DYM: variants seen among roughly 807,000 people sequenced by gnomAD.
DYM encodes the protein dymeclin, also known as dyggve-Melchior-Clausen syndrome protein.
In DYM, 78 loss-of-function variants were observed where a neutral mutation model predicts 93.1. The ratio of observed to expected loss-of-function variants is 0.84; its 90% CI spans 0.70 to 1.01. The LOEUF is 1.01. DYM is among the 50% of genes least tolerant of loss of function. The pLI is 0.00. For synonymous variants in DYM, 321 were observed against 319.7 expected, an observed-to-expected ratio of 1.00 and a Z score of -0.04; for missense variants, 789 against 845.0, an observed-to-expected ratio of 0.93 and a Z score of 0.82.
chr18:49,435,662 G>A (rs755271598), intron 1 of DYM, among the ~76,000 whole-genome samples: 39 of 151,974 alleles, frequency 2.6e-4, no homozygotes, highest in East Asian at 5.8e-4. Flanking sequence ...AGTGTCAGGC[G>A]TCTGTAATCC....
chr18:49,122,327 C>T (rs527295830), intron 15 of DYM, among the ~76,000 whole-genome samples: 1 of 152,310 alleles, frequency 6.6e-6, no homozygotes, highest in South Asian at 2.1e-4. Flanking sequence ...CATTTTCTCA[C>T]CAACAGCAGG....
chr18:49,221,341 G>A lies in DYM; in HGVS notation c.1461-11626C>T, dbSNP rs987765572. 5.2e-4 allele frequency among the ~76,000 whole-genome samples: 79 copies of A among 152,098 alleles called. 1 individual carries two copies. In the South Asian group the frequency reaches 9.6e-3, roughly 18 times the overall value. On this transcript the variant is annotated intron_variant, in intron 13 of 17. Transcript: ENST00000675505. ...AACTAGTTCAACCATTGTGGAAGTC[G>A]GTGTGGCGATTCCTCAGGGATCTAG...
chr18:49,196,368 C>T (rs763893414), intron 14 of DYM, among the ~76,000 whole-genome samples: 3 of 152,060 alleles, frequency 2.0e-5, no homozygotes, highest in African/African-American at 7.2e-5. Flanking sequence ...AACAAAATTA[C>T]CCATTCTCAG....
At chr18:49,249,574 A>C (rs890077993) in intron 13 of DYM, among the ~76,000 whole-genome samples, 4 of 152,196 alleles carry the variant, frequency 2.6e-5, no homozygotes, top group Admixed American at 2.0e-4. Flanking sequence ...TTCTTTCTTT[A>C]ATTCCATGAG....
chr18:49,387,913 T>G (rs2068794247), intron 3 of DYM, among the ~76,000 whole-genome samples: 1 of 152,118 alleles, frequency 6.6e-6, no homozygotes, highest in Non-Finnish European at 1.5e-5. Flanking sequence ...ATAGGGGAAA[T>G]AGCTGAAGAG....
intron 13 of DYM, among the ~76,000 whole-genome samples, chr18:49,250,277 T>G (rs774574328): frequency 5.3e-5 from 8 of 152,216 alleles, no homozygotes. Context: ...TCTCCAGTAA[T>G]TATTACTCTG....
Position 49,044,145 on chromosome 18 carries a change from G to A in DYM, c.2085C>T (p.Ile695=). ...TGTAGACAAGAGACCAGACATAGGGGATAAAAAACTCCTCGGGCTGCTCCT... is the reference window on the plus strand; with the variant it reads ...TGTAGACAAGAGACCAGACATAGGGAATAAAAAACTCCTCGGGCTGCTCCT... ...VEEEQPEEFF[I]PYVWSLVYNS... Residue 695 remains isoleucine, a synonymous_variant, in exon 18 of 18, where the codon ATC becomes ATT. Transcript: ENST00000675505. The A allele has an allele frequency of 6.2e-7, 1 of 1,614,118 alleles. No homozygotes were observed. Among genetic ancestry groups the A allele is most frequent in the African/African-American group, 1.3e-5 (1 of 75,018 alleles).
intron 6 of DYM, among the ~76,000 whole-genome samples, chr18:49,350,569 G>T (rs1217441700): frequency 6.6e-6 from 1 of 151,974 alleles, no homozygotes; most frequent in Non-Finnish European, 1.5e-5. Flanking sequence ...AACTGAGCAT[G>T]GTGGCGGGCG....
At chr18:49,184,507 T>C (rs1174125567) in intron 14 of DYM, among the ~76,000 whole-genome samples, 2 of 152,166 alleles carry the variant, frequency 1.3e-5, no homozygotes, top group Non-Finnish European at 2.9e-5. Context: ...TATTCCCCCC[T>C]TATCCACGGG....
Position 49,038,612 on chromosome 18 carries a change from T to C in DYM, c.*5443A>G, listed in dbSNP as rs1224593460. Among the ~76,000 whole-genome samples, 1 of 152,240 alleles carries C rather than the reference T, an allele frequency of 6.6e-6. No individual in the cohort carries two copies. The highest frequency in any genetic ancestry group is 1.5e-5 in the Non-Finnish European group (1 of 68,028). On this transcript the variant is annotated 3_prime_UTR_variant, in exon 18 of 18. Coordinates refer to ENST00000675505, the MANE Select transcript of DYM (RefSeq NM_001353214.3). ...ACAAGGCTGACAATATTTGTCAACA[T>C]TTGAGCATTAGTCCATTTACATTTA...
At chr18:49,231,452 A>T (rs1257874660) in intron 13 of DYM, among the ~76,000 whole-genome samples, 1 of 152,070 alleles carries the variant, frequency 6.6e-6, no homozygotes, top group Admixed American at 6.6e-5. Flanking sequence ...TTGGGGGTAG[A>T]CCTCCCTTTA....
chr18:49,305,973 T>C (rs1192553384), intron 8 of DYM, among the ~76,000 whole-genome samples: 1 of 152,230 alleles, frequency 6.6e-6, no homozygotes, highest in Non-Finnish European at 1.5e-5. Flanking sequence ...CAACAAGTTG[T>C]ACAATTAAGA....
chr18:49,374,395 T>G (rs1278301101), intron 5 of DYM, among the ~76,000 whole-genome samples: 2 of 152,118 alleles, frequency 1.3e-5, no homozygotes, highest in Non-Finnish European at 2.9e-5. Context: ...AGAAACAACT[T>G]AGAAGGTCTT....
chr18:49,074,316 G>C lies in DYM; in HGVS notation c.2025+23086C>G, dbSNP rs1467494399. Among the ~76,000 whole-genome samples, 4 of 152,064 alleles carry C rather than the reference G, an allele frequency of 2.6e-5. No individual in the cohort carries two copies. In the East Asian group the frequency reaches 7.7e-4, roughly 29 times the overall value. On this transcript the variant is annotated intron_variant, in intron 17 of 17. Coordinates refer to ENST00000675505, the MANE Select transcript of DYM (RefSeq NM_001353214.3). ...TTATATGGCATTTACATTATATTAGGTATTGTAAGTAATCTAGAGATGATT... is the reference window on the plus strand; with the variant it reads ...TTATATGGCATTTACATTATATTAGCTATTGTAAGTAATCTAGAGATGATT...
intron 14 of DYM, among the ~76,000 whole-genome samples, chr18:49,171,271 G>C (rs1482842293): frequency 2.6e-5 from 4 of 152,166 alleles, no homozygotes; most frequent in Non-Finnish European, 5.9e-5. Context: ...TACTGGGAGG[G>C]GGTGTGGAGG....
chr18:49,400,000 G>A (rs759603769), intron 2 of DYM, among the ~76,000 whole-genome samples: 4 of 122,136 alleles, frequency 3.3e-5, no homozygotes, highest in African/African-American at 3.1e-5. Flanking sequence ...GGAGTGCAGT[G>A]AGTGATCTTG....
At chr18:49,105,248 G>A (rs953051193) in intron 16 of DYM, among the ~76,000 whole-genome samples, 4 of 152,146 alleles carry the variant, frequency 2.6e-5, no homozygotes, top group African/African-American at 7.2e-5. Flanking sequence ...GGGATCGGTG[G>A]TAATATCTCC....
intron 13 of DYM, among the ~76,000 whole-genome samples, chr18:49,221,115 CAAAAG>C (rs917659520): frequency 1.3e-5 from 2 of 152,158 alleles, no homozygotes; most frequent in African/African-American, 4.8e-5. Flanking sequence ...AGACACTTCT[CAAAAG>C]AAGACATTTA....
intron 1 of DYM, among the ~76,000 whole-genome samples, chr18:49,433,942 G>A (rs775901967): frequency 2.0e-5 from 3 of 152,124 alleles, no homozygotes; most frequent in South Asian, 2.1e-4. Context: ...AGGCGCGGTC[G>A]CTCACACCTG....
Sources: gnomAD v4.1 joint callset for allele counts (sites outside exome capture counted in the v4.1 genomes callset) on GRCh38, gnomAD v4.1.1 for gene constraint, MANE v1.5 for transcripts, NCBI Gene and HGNC (gene_info 2026-07-23, HGNC 2026-07-21) for gene names.